Variants in NCOA2 observed in about 807,000 individuals in gnomAD.
NCOA2 encodes class E basic helix-loop-helix protein 75.
NCOA2 carries 21 observed loss-of-function variants against 145.1 expected under a neutral mutation model. The ratio of observed to expected loss-of-function variants is 0.14; its 90% CI spans 0.10 to 0.21. NCOA2 has a LOEUF of 0.21. Among genes scored for constraint, NCOA2 ranks in the 10% least tolerant of loss-of-function variants. The pLI, the probability that NCOA2 is intolerant of heterozygous loss-of-function variation, is 1.00. For missense variants in NCOA2, 1,472 were observed against 1,837.6 expected, an observed-to-expected ratio of 0.80 and a Z score of 3.64; for synonymous variants, 619 against 637.5, an observed-to-expected ratio of 0.97 and a Z score of 0.44.
intron 1 of NCOA2, among the ~76,000 whole-genome samples, chr8:70,403,345 G>T (rs1172325857): frequency 1.3e-5 from 2 of 150,882 alleles, no homozygotes; most frequent in Non-Finnish European, 3.0e-5. Flanking sequence ...TCTCGCCCGC[G>T]CCGCGGGCTG....
chr8:70,252,848 T>C (rs1482933010), intron 2 of NCOA2, among the ~76,000 whole-genome samples: 2 of 152,202 alleles, frequency 1.3e-5, no homozygotes, highest in Non-Finnish European at 2.9e-5. Flanking sequence ...TAATTAATTA[T>C]TCATCTATTC....
intron 4 of NCOA2, 55 bp downstream of exon 4, chr8:70,213,847 AC>A: frequency 1.4e-6 from 2 of 1,432,254 alleles, no homozygotes; most frequent in Non-Finnish European, 1.9e-6. Context: ...GACTTCTCAC[AC>A]AGGGAAAAAC....
At chr8:70,376,371 A>ACG (rs757620622) in intron 1 of NCOA2, among the ~76,000 whole-genome samples, 7 of 148,056 alleles carry the variant, frequency 4.7e-5, no homozygotes, top group Admixed American at 4.0e-4. Flanking sequence ...ACACACACGC[A>ACG]CACACACACA....
intron 1 of NCOA2, among the ~76,000 whole-genome samples, chr8:70,383,333 T>C (rs1202107681): frequency 6.6e-6 from 1 of 152,208 alleles, no homozygotes; most frequent in Admixed American, 6.5e-5. Flanking sequence ...CTATAATTAC[T>C]CATTTAAGAC....
At chr8:70,401,390 G>A (rs1814230297) in intron 1 of NCOA2, among the ~76,000 whole-genome samples, 1 of 152,036 alleles carries the variant, frequency 6.6e-6, no homozygotes, top group African/African-American at 2.4e-5. Context: ...GAGTAATCTG[G>A]CAAACTACAT....
In NCOA2 at chr8:70,128,478, A is replaced by G. The variant is rs1294413447; in HGVS notation, c.3636T>C (p.Asn1212=). Residue 1212 remains asparagine (N), a synonymous_variant, in exon 18 of 23, where the codon AAT becomes AAC. Transcript: ENST00000452400. The part of the protein sequence containing the change: ...NRQPLMNQIS[N]VSNVNLTLRP... ...TCAGAGTCAAGTTCACATTGGAAAC[A>G]TTGCTGATTTGATTCATAAGTGGCT... The G allele has an allele frequency of 1.2e-6, 2 of 1,613,044 alleles. No individual in the cohort carries two copies. The highest frequency in any genetic ancestry group is 2.7e-5 in the African/African-American group (2 of 74,940).
intron 15 of NCOA2, among the ~76,000 whole-genome samples, chr8:70,137,103 G>A (rs1809815730): frequency 6.6e-6 from 1 of 152,226 alleles, no homozygotes; most frequent in African/African-American, 2.4e-5. Flanking sequence ...GCAACGGTGC[G>A]GTCTCAGCTC....
At chr8:70,205,780 T>G (rs1818374459) in intron 4 of NCOA2, among the ~76,000 whole-genome samples, 1 of 152,060 alleles carries the variant, frequency 6.6e-6, no homozygotes, top group African/African-American at 2.4e-5. Context: ...TCTTCTATGG[T>G]GAGGGTTCTT....
chr8:70,188,805 G>C (rs1318548696), intron 4 of NCOA2, among the ~76,000 whole-genome samples: 1 of 152,042 alleles, frequency 6.6e-6, no homozygotes, highest in Non-Finnish European at 1.5e-5. Context: ...TTACAAGAAA[G>C]AAAAGTATAT....
chr8:70,338,708 A>T lies in NCOA2; in HGVS notation c.-76-41908T>A, dbSNP rs1807853592. On this transcript the variant is annotated intron_variant, in intron 1 of 22. Transcript: ENST00000452400. ...CCTCAATAAAATACTGGCAAACTGA[A>T]TCCAGAAGCACATCAAAAAGCTTAT... Among the ~76,000 whole-genome samples, 5 of 152,302 alleles carry T rather than the reference A, an allele frequency of 3.3e-5. No individual in the cohort carries two copies. In the South Asian group the frequency reaches 1.0e-3, roughly 32 times the overall value.
At position 70,307,728 on chromosome 8, in the gene NCOA2, A is replaced by T. The variant is rs190756400; in HGVS notation, c.-76-10928T>A. 8.5e-4 allele frequency among the ~76,000 whole-genome samples: 129 copies of T among 152,338 alleles called. 1 individual carries two copies. Among genetic ancestry groups the T allele is most frequent in the African/African-American group, 3.0e-3 (125 of 41,580 alleles). On this transcript the variant is annotated intron_variant, in intron 1 of 22. Transcript: ENST00000452400. ...GTATTTGAAACATCTTCACACAGCT[A>T]CTAGCAGTACATGCTGAACTCAATG...
At chr8:70,437,856 T>A in the NCOA2 span, among the ~76,000 whole-genome samples, 138 of 152,328 alleles carry the variant, frequency 9.1e-4, no homozygotes, top group Middle Eastern at 6.8e-3. Context: ...TATACATACA[T>A]GTAACAGTTG....
At chr8:70,357,062 A>G (rs1237679646) in intron 1 of NCOA2, among the ~76,000 whole-genome samples, 1 of 152,162 alleles carries the variant, frequency 6.6e-6, no homozygotes, top group East Asian at 1.9e-4. Flanking sequence ...TGAAGGTGGC[A>G]GTTTAACAAA....
intron 1 of NCOA2, among the ~76,000 whole-genome samples, chr8:70,361,647 T>A (rs1810210633): frequency 6.6e-6 from 1 of 152,246 alleles, no homozygotes; most frequent in African/African-American, 2.4e-5. Flanking sequence ...TATGTTGTCT[T>A]CAGCTTTCCC....
chr8:70,308,041 T>C (rs1164656816), intron 1 of NCOA2, among the ~76,000 whole-genome samples: 3 of 152,208 alleles, frequency 2.0e-5, no homozygotes, highest in Non-Finnish European at 4.4e-5. Context: ...ATCATTCATG[T>C]ACATGTTTTG....
At position 70,335,153 on chromosome 8, in the gene NCOA2, AGATC is replaced by A. The variant is rs1563776061; in HGVS notation, c.-76-38357_-76-38354del. Reference sequence around the variant, plus strand: ...AAAAAAAAAAAAAAAAAAAAAAAAAAGATCTCTCCCTATGACCATTTTCTCAGTC... The same window carrying A: ...AAAAAAAAAAAAAAAAAAAAAAAAAATCTCCCTATGACCATTTTCTCAGTC... On this transcript the variant is annotated intron_variant, in intron 1 of 22. Coordinates refer to ENST00000452400, the MANE Select transcript of NCOA2 (RefSeq NM_006540.4). Among the ~76,000 whole-genome samples the A allele has an allele frequency of 9.9e-5, 13 of 131,686 alleles. No homozygotes were observed. In the East Asian group the frequency reaches 1.7e-3, roughly 17 times the overall value. The allele number at this position is 131,686 out of a possible 152,430, so 86.4% of individuals were successfully genotyped here.
Position 70,323,753 on chromosome 8 carries a change from G to T in NCOA2, c.-76-26953C>A, listed in dbSNP as rs182858877. ...TCTCCAATAACCTTTCTGACACCTG[G>T]TATGAGCCTATGTGCTAATTTTCTG... On this transcript the variant is annotated intron_variant, in intron 1 of 22. Coordinates refer to ENST00000452400, the MANE Select transcript of NCOA2 (RefSeq NM_006540.4). Among the ~76,000 whole-genome samples the T allele has an allele frequency of 4.0e-3, 601 of 152,078 alleles. 4 individuals carry two copies. Among genetic ancestry groups the T allele is most frequent in the African/African-American group, 0.014 (579 of 41,472 alleles).
At chr8:70,442,393 G>T in the NCOA2 span, among the ~76,000 whole-genome samples, 1 of 152,094 alleles carries the variant, frequency 6.6e-6, no homozygotes, top group African/African-American at 2.4e-5. Flanking sequence ...AATCCCTCAA[G>T]CAACATATTT....
At chr8:70,439,166 A>C in the NCOA2 span, among the ~76,000 whole-genome samples, 1 of 152,156 alleles carries the variant, frequency 6.6e-6, no homozygotes, top group African/African-American at 2.4e-5. Flanking sequence ...TAAATTCCTA[A>C]GTTTGTATGT....
Sources: allele counts gnomAD v4.1 joint callset (sites outside exome capture counted in the v4.1 genomes callset), GRCh38; gene constraint gnomAD v4.1.1; transcripts MANE v1.5; gene names NCBI Gene and HGNC (gene_info 2026-07-23, HGNC 2026-07-21).